The following OSTF1 variants were observed in gnomAD, a reference collection of about 807,000 sequenced individuals.
OSTF1 encodes the protein osteoclast stimulating factor 1.
OSTF1 carries 27 observed loss-of-function variants against 37.2 expected under a neutral mutation model. That is an observed-to-expected ratio of 0.73 (90% CI 0.54 to 1.00). The LOEUF (loss-of-function observed/expected upper bound fraction) is 1.00. OSTF1 is among the 50% of genes least tolerant of loss of function. The probability of loss-of-function intolerance (pLI) is 0.00; values close to 1 mark genes in which losing one functional copy is unlikely to be tolerated. For synonymous variants in OSTF1, 82 were observed against 89.2 expected (o/e 0.92, Z 0.46); for missense variants, 232 against 253.8 (o/e 0.91, Z 0.58).
chr9:75,089,057 T>G (rs1824879682), intron 1 of OSTF1, among the ~76,000 whole-genome samples: 2 of 152,086 alleles, frequency 1.3e-5, no homozygotes, highest in Non-Finnish European at 2.9e-5. Flanking sequence ...GGGCCATTGA[T>G]CTCCCTTTAA....
At position 75,096,257 on chromosome 9, in the gene OSTF1, A is replaced by G. The variant is rs371809910; in HGVS notation, c.34+7531A>G. Among the ~76,000 whole-genome samples, 3 of 152,216 alleles carry G rather than the reference A, an allele frequency of 2.0e-5. No individual in the cohort carries two copies. The South Asian group carries it at 6.2e-4, about 31-fold the overall frequency. On this transcript the variant is annotated intron_variant, in intron 1 of 9. Transcript: ENST00000346234. Reference sequence around the variant, plus strand: ...ATGTCTGTGCATCTGTAGGATTTTTAGAAAGCCACAAGGCAAATTTCTCAG... The same window carrying G: ...ATGTCTGTGCATCTGTAGGATTTTTGGAAAGCCACAAGGCAAATTTCTCAG...
intron 1 of OSTF1, among the ~76,000 whole-genome samples, chr9:75,104,040 C>T (rs1424312589): frequency 6.6e-6 from 1 of 151,814 alleles, no homozygotes; most frequent in Non-Finnish European, 1.5e-5. Context: ...GCAGCCTGTG[C>T]AACATGGTAA....
intron 9 of OSTF1, among the ~76,000 whole-genome samples, chr9:75,143,909 G>C (rs1298226220): frequency 6.6e-6 from 1 of 152,190 alleles, no homozygotes; most frequent in African/African-American, 2.4e-5. Flanking sequence ...TTGCTGACTT[G>C]TGCCTGTCTT....
At chr9:75,093,050 C>T (rs866773179) in intron 1 of OSTF1, among the ~76,000 whole-genome samples, 16 of 135,218 alleles carry the variant, frequency 1.2e-4, no homozygotes, top group African/African-American at 4.6e-4. Flanking sequence ...TTCTCTCTCT[C>T]TCTTTCTTTC....
At chr9:75,128,222 A>G (rs1409726092) in intron 3 of OSTF1, among the ~76,000 whole-genome samples, 2 of 150,672 alleles carry the variant, frequency 1.3e-5, no homozygotes, top group African/African-American at 4.9e-5. Flanking sequence ...AGCAATCCCT[A>G]AAAATTAAAA....
chr9:75,114,554 ATTT>A (rs34381078), intron 1 of OSTF1, among the ~76,000 whole-genome samples: 11 of 137,570 alleles, frequency 8.0e-5, no homozygotes, highest in Admixed American at 1.4e-4. Flanking sequence ...TTTAATATTA[ATTT>A]TTTTTTTTTT....
chr9:75,114,393 T>C (rs1241859490), intron 1 of OSTF1, among the ~76,000 whole-genome samples: 2 of 152,134 alleles, frequency 1.3e-5, no homozygotes, highest in Non-Finnish European at 2.9e-5. Context: ...TAAAATAATA[T>C]TAAAAATCAA....
intron 9 of OSTF1, 60 bp from the exon 10 acceptor site, chr9:75,146,623 A>C: frequency 2.6e-6 from 3 of 1,136,784 alleles, no homozygotes; most frequent in Non-Finnish European, 4.0e-6. Context: ...AAATGAAAAA[A>C]TAAAATCTGA....
chr9:75,140,750 A>C, intron 8 of OSTF1, 84 bp from the exon 9 acceptor site: 1 of 880,306 alleles, frequency 1.1e-6, no homozygotes, highest in South Asian at 1.6e-5. Context: ...ATTTTGCCAA[A>C]AGTTGTTAGC....
intron 4 of OSTF1, 137 bp from the exon 5 acceptor site, chr9:75,131,633 A>G (rs1564166568): frequency 2.8e-5 from 18 of 641,596 alleles, no homozygotes; most frequent in Non-Finnish European, 2.0e-5. Flanking sequence ...GTTACTTTTT[A>G]TCCACATTAA....
chr9:75,088,569 C>G lies in OSTF1; in HGVS notation c.-124C>G. The G allele has an allele frequency of 9.6e-7, 1 of 1,039,082 alleles. No homozygotes were observed. Among genetic ancestry groups the G allele is most frequent in the Non-Finnish European group, 1.5e-6 (1 of 689,182 alleles). The allele number at this position is 1,039,082 out of a possible 1,614,324, so 64.4% of individuals were successfully genotyped here. A position where few individuals can be genotyped will look rare whatever the true frequency, so the allele number is the denominator to read the frequency against. ...TCTTCCCGCAGCCAAGGGTGGGCGC[C>G]GGTCCTAGGAGGCGCACGGTTGTAA... On this transcript the variant is annotated 5_prime_UTR_variant, in exon 1 of 10. Transcript: ENST00000346234.
rs1183531847 is a variant in OSTF1 at position 75,088,727 on chromosome 9, G to C, written c.34+1G>C. ...CCGCCACCCAAACCAGTCAAACCAG[G>C]TGAGGGAGGTAAGGTAGGCGCTTGC... On this transcript the variant is annotated splice_donor_variant, in intron 1 of 9. Transcript: ENST00000346234. LOFTEE classifies it high-confidence loss of function. 1 of 1,607,940 alleles carries C rather than the reference G, an allele frequency of 6.2e-7. No homozygotes were observed.
intron 2 of OSTF1, among the ~76,000 whole-genome samples, chr9:75,123,991 T>G (rs1387023190): frequency 6.6e-6 from 1 of 152,194 alleles, no homozygotes; most frequent in Non-Finnish European, 1.5e-5. Flanking sequence ...CACTTAGTGG[T>G]CTTTCTCAAA....
chr9:75,099,352 A>G (rs932122944), intron 1 of OSTF1, among the ~76,000 whole-genome samples: 1 of 151,972 alleles, frequency 6.6e-6, no homozygotes, highest in Non-Finnish European at 1.5e-5. Context: ...CCTGGGCTCA[A>G]GTGACCCTCC....
chr9:75,130,992 C>T (rs116449603), intron 4 of OSTF1, among the ~76,000 whole-genome samples: 17 of 152,166 alleles, frequency 1.1e-4, no homozygotes, highest in African/African-American at 2.9e-4. Context: ...TGGAGTAACC[C>T]GGCCTTGTTC....
chr9:75,126,265 AATT>A (rs1425136512), intron 2 of OSTF1, among the ~76,000 whole-genome samples: 1 of 152,250 alleles, frequency 6.6e-6, no homozygotes, highest in African/African-American at 2.4e-5. Flanking sequence ...ATGGAATAGT[AATT>A]ATAATCAGAA....
At chr9:75,146,553 T>C (rs1373616648) in intron 9 of OSTF1, 130 bp from the exon 10 acceptor site, 8 of 679,382 alleles carry the variant, frequency 1.2e-5, no homozygotes, top group Non-Finnish European at 2.0e-5. Flanking sequence ...AGAAAGATCC[T>C]CAGGGAAAGT....
At chr9:75,133,978 A>C (rs1260146654) in intron 6 of OSTF1, among the ~76,000 whole-genome samples, 1 of 152,220 alleles carries the variant, frequency 6.6e-6, no homozygotes, top group East Asian at 1.9e-4. Flanking sequence ...TAAGAAATGA[A>C]GATCTCAACA....
chr9:75,091,320 C>T (rs1157564919), intron 1 of OSTF1, among the ~76,000 whole-genome samples: 3 of 152,096 alleles, frequency 2.0e-5, no homozygotes, highest in East Asian at 1.9e-4. Flanking sequence ...TTGTGATCCA[C>T]CCTCCTTCGC....
Sources: gnomAD v4.1 joint callset for allele counts (sites outside exome capture counted in the v4.1 genomes callset) on GRCh38, gnomAD v4.1.1 for gene constraint, MANE v1.5 for transcripts, NCBI Gene and HGNC (gene_info 2026-07-23, HGNC 2026-07-21) for gene names.